KLHL3: variants seen among roughly 807,000 people sequenced by gnomAD.
KLHL3 encodes kelch-like protein 3.
Under a neutral mutation model 70.5 loss-of-function variants are expected in KLHL3, and 19 were observed. That is an observed-to-expected ratio of 0.27 (90% CI 0.19 to 0.40). The LOEUF is 0.40. KLHL3 is among the 10% of genes least tolerant of loss of function. KLHL3 has a pLI of 1.00. For synonymous variants in KLHL3, 258 were observed against 290.3 expected (o/e 0.89, Z 1.13); for missense variants, 512 against 771.1 (o/e 0.66, Z 3.98).
chr5:137,662,177 T>C, intron 6 of KLHL3, 146 bp from the exon 7 acceptor site: 1 of 600,802 alleles, frequency 1.7e-6, no homozygotes, highest in Middle Eastern at 4.3e-4. Context: ...GACTCATATT[T>C]AAAATAAAAA....
chr5:137,691,151 C>T (rs1341699752), intron 5 of KLHL3, among the ~76,000 whole-genome samples: 1 of 152,172 alleles, frequency 6.6e-6, no homozygotes, highest in African/African-American at 2.4e-5. Flanking sequence ...AGTGAACCAA[C>T]AGATTATCTG....
chr5:137,675,023 A>G (rs1407382445), intron 6 of KLHL3, among the ~76,000 whole-genome samples: 1 of 152,242 alleles, frequency 6.6e-6, no homozygotes, highest in African/African-American at 2.4e-5. Context: ...AAGCCCCACT[A>G]TTCTTTAATA....
intron 2 of KLHL3, among the ~76,000 whole-genome samples, chr5:137,719,834 T>C (rs1283040249): frequency 2.6e-5 from 4 of 152,284 alleles, no homozygotes; most frequent in Non-Finnish European, 5.9e-5. Flanking sequence ...GTTGCAATCA[T>C]TCTATTATTG....
chr5:137,703,907 AC>A (rs1354985185), intron 3 of KLHL3, among the ~76,000 whole-genome samples: 11 of 151,268 alleles, frequency 7.3e-5, no homozygotes, highest in African/African-American at 2.7e-4. Flanking sequence ...AATCACCTCC[AC>A]CCCCGACATC....
chr5:137,705,996 G>C (rs1208041738), intron 3 of KLHL3: 7 of 985,216 alleles, frequency 7.1e-6, no homozygotes, highest in African/African-American at 1.7e-5. Context: ...GCTCACCCCA[G>C]ATCTTCTTAT....
chr5:137,630,016 G>C (rs1482354265), intron 12 of KLHL3: 6 of 152,132 alleles, frequency 3.9e-5, no homozygotes, highest in Non-Finnish European at 8.8e-5. Context: ...GAGCCACAGG[G>C]GCTCCTGGCA....
intron 4 of KLHL3, among the ~76,000 whole-genome samples, chr5:137,697,783 A>G (rs977756211): frequency 2.0e-5 from 3 of 152,256 alleles, no homozygotes; most frequent in Non-Finnish European, 4.4e-5. Context: ...TTTACAGGAA[A>G]AAAAAGTTAT....
At chr5:137,735,529 C>T in intron 1 of KLHL3, 104 bp downstream of exon 1, 1 of 899,012 alleles carries the variant, frequency 1.1e-6, no homozygotes, top group Non-Finnish European at 1.9e-6. Flanking sequence ...GCCAGGTCTT[C>T]CAACTCTGCC....
At chr5:137,677,503 T>C in intron 6 of KLHL3, 42 bp downstream of exon 6, 2 of 1,179,232 alleles carry the variant, frequency 1.7e-6, no homozygotes, top group South Asian at 2.7e-5. Context: ...CATGACCACC[T>C]GACGAGTGAG....
intron 1 of KLHL3, among the ~76,000 whole-genome samples, chr5:137,730,507 C>T (rs1310299224): frequency 6.6e-6 from 1 of 152,198 alleles, no homozygotes; most frequent in Non-Finnish European, 1.5e-5. Context: ...CAAAGATGAC[C>T]AGCAGATGCT....
At chr5:137,729,179 G>A (rs1037315832) in intron 1 of KLHL3, among the ~76,000 whole-genome samples, 1 of 152,090 alleles carries the variant, frequency 6.6e-6, no homozygotes, top group African/African-American at 2.4e-5. Flanking sequence ...AGAGGCCCAA[G>A]CACATTATGT....
intron 8 of KLHL3, among the ~76,000 whole-genome samples, chr5:137,643,803 C>G (rs1388764343): frequency 1.3e-5 from 2 of 152,016 alleles, no homozygotes; most frequent in Admixed American, 6.5e-5. Flanking sequence ...CTATAGTCAC[C>G]CTACTGTGTA....
Position 137,720,587 on chromosome 5 carries a change from G to A in KLHL3, c.15-3C>T. 6.2e-7 allele frequency: 1 copy of A among 1,613,904 alleles called. No individual in the cohort carries two copies. On this transcript the variant is annotated splice_polypyrimidine_tract_variant and splice_region_variant and intron_variant, in intron 1 of 14. Transcript: ENST00000309755. ...GAGTCTGGGAGCTCAGCTTGACACT[G>A]TGAACAGGAAGGAAGAGGGAGGGAA... is the stretch of plus-strand genomic sequence containing the variant.
At chr5:137,685,360 A>G (rs1458194970) in intron 5 of KLHL3, among the ~76,000 whole-genome samples, 1 of 152,262 alleles carries the variant, frequency 6.6e-6, no homozygotes, top group Non-Finnish European at 1.5e-5. Context: ...CTAAAAGAAT[A>G]AGATATAGCC....
chr5:137,628,237 T>C (rs1580715305), intron 13 of KLHL3, 60 bp downstream of exon 13: 5 of 1,589,358 alleles, frequency 3.1e-6, no homozygotes, highest in Non-Finnish European at 4.3e-6. Flanking sequence ...TTAGAGCCAG[T>C]GTCTTCAGGG....
chr5:137,729,917 G>A (rs1045110711), intron 1 of KLHL3, among the ~76,000 whole-genome samples: 1 of 152,144 alleles, frequency 6.6e-6, no homozygotes, highest in African/African-American at 2.4e-5. Context: ...GGTTACCAGA[G>A]AGCCCCATAC....
chr5:137,635,786 G>C (rs761633950), intron 11 of KLHL3, among the ~76,000 whole-genome samples: 3 of 152,146 alleles, frequency 2.0e-5, no homozygotes, highest in Non-Finnish European at 2.9e-5. Flanking sequence ...TGTCTTCCAC[G>C]TCAACAGGGC....
chr5:137,653,467 A>G (rs920835277), intron 8 of KLHL3, among the ~76,000 whole-genome samples: 2 of 152,240 alleles, frequency 1.3e-5, no homozygotes, highest in African/African-American at 4.8e-5. Flanking sequence ...ACTTCACCAA[A>G]GAAGAAATAT....
rs369329390 is a variant in KLHL3 at position 137,727,724 on chromosome 5, A to G, written c.15-7140T>C. 1.9e-3 allele frequency among the ~76,000 whole-genome samples: 286 copies of G among 152,230 alleles called. 7 individuals carry two copies. The South Asian group carries it at 0.057, about 30-fold the overall frequency. ...TCCACTACTCACTAGATTAGTTAAA[A>G]TCTAGTGGGAAACTAGGTTAGTTTC... On this transcript the variant is annotated intron_variant, in intron 1 of 14. Coordinates refer to ENST00000309755, the MANE Select transcript of KLHL3 (RefSeq NM_017415.3).
Sources: allele counts gnomAD v4.1 joint callset (sites outside exome capture counted in the v4.1 genomes callset), GRCh38; gene constraint gnomAD v4.1.1; transcripts MANE v1.5; gene names NCBI Gene and HGNC (gene_info 2026-07-23, HGNC 2026-07-21).